Variants in GSN observed in about 807,000 individuals in gnomAD.
GSN encodes the protein actin-depolymerizing factor.
GSN carries 56 observed loss-of-function variants against 85.7 expected under a neutral mutation model. That is an observed-to-expected ratio of 0.65 (90% CI 0.53 to 0.82). The LOEUF (loss-of-function observed/expected upper bound fraction) is 0.82. Among genes scored for constraint, GSN ranks in the 40% least tolerant of loss-of-function variants. The pLI, the probability that GSN is intolerant of heterozygous loss-of-function variation, is 0.00. For missense variants in GSN, 857 were observed against 979.8 expected (o/e 0.87, Z 1.67); for synonymous variants, 373 against 399.1 (o/e 0.93, Z 0.78).
intron 1 of GSN, among the ~76,000 whole-genome samples, chr9:121,278,716 G>A (rs1269124440): frequency 6.6e-6 from 1 of 152,236 alleles, no homozygotes; most frequent in African/African-American, 2.4e-5. Flanking sequence ...TGTGTGGGTG[G>A]TGGACTAGAA....
chr9:121,249,980 G>C (rs2054783129), intron 6 of GSN, among the ~76,000 whole-genome samples: 1 of 152,176 alleles, frequency 6.6e-6, no homozygotes, highest in Admixed American at 6.5e-5. Flanking sequence ...AAACAGATGA[G>C]AGAAGAAAGA....
intron 4 of GSN, chr9:121,308,441 AG>A (rs1314387060): frequency 6.6e-6 from 1 of 152,216 alleles, no homozygotes; most frequent in Non-Finnish European, 1.5e-5. Flanking sequence ...GCACTTTGGG[AG>A]GCCAAGGCGG....
At chr9:121,312,543 C>A in intron 6 of GSN, 55 bp downstream of exon 6, 1 of 1,399,290 alleles carries the variant, frequency 7.1e-7, no homozygotes, top group African/African-American at 1.5e-5. Flanking sequence ...TCATGACTTT[C>A]TTCTGTTCAG....
intron 11 of GSN, 63 bp from the exon 12 acceptor site, chr9:121,324,491 G>C (rs536791735): frequency 1.1e-5 from 9 of 837,042 alleles, no homozygotes; most frequent in Non-Finnish European, 1.4e-5. Flanking sequence ...CTCAGACTCA[G>C]GGCAAGGGAG....
chr9:121,234,219 G>A (rs546910379), intron 5 of GSN, among the ~76,000 whole-genome samples: 3 of 152,274 alleles, frequency 2.0e-5, no homozygotes, highest in African/African-American at 7.2e-5. Flanking sequence ...TAGCTGCAAG[G>A]GAGACTGGAA....
chr9:121,294,373 C>G (rs1219195125), intron 2 of GSN, among the ~76,000 whole-genome samples: 2 of 152,324 alleles, frequency 1.3e-5, no homozygotes, highest in Non-Finnish European at 2.9e-5. Context: ...AGGGCCATTT[C>G]CTCCCCGAGA....
rs1208656555 is a variant in GSN at position 121,317,081 on chromosome 9, C to T, written c.754-5C>T. The T allele has an allele frequency of 1.2e-6, 2 of 1,614,180 alleles. No homozygotes were observed. Among genetic ancestry groups the T allele is most frequent in the South Asian group, 1.1e-5 (1 of 91,080 alleles). On this transcript the variant is annotated splice_polypyrimidine_tract_variant and splice_region_variant and intron_variant, in intron 7 of 17. Transcript: ENST00000432226. ...GTGCTGGTTCCTTCTGCTTCGTCCC[C>T]TCAGGTCTCCAATGGTGCAGGGACC...
chr9:121,330,112 T>C (rs868157337), intron 16 of GSN, among the ~76,000 whole-genome samples: 6 of 152,220 alleles, frequency 3.9e-5, no homozygotes, highest in Admixed American at 1.3e-4. Flanking sequence ...GATTGATCCA[T>C]TGGCTACTTA....
upstream of GSN, chr9:121,203,292 A>T (rs556800732): frequency 6.6e-6 from 1 of 152,304 alleles, no homozygotes; most frequent in African/African-American, 2.4e-5. Context: ...GGAGGGAGGG[A>T]CCACCCAGGT....
chr9:121,264,909 G>T (rs116327491), upstream of GSN, among the ~76,000 whole-genome samples: 74 of 152,346 alleles, frequency 4.9e-4, no homozygotes, highest in African/African-American at 1.6e-3. Context: ...CCAGCTTGCT[G>T]CTGGTAAAAG....
chr9:121,301,562 G>T (rs1480204034), intron 2 of GSN, among the ~76,000 whole-genome samples: 2 of 148,680 alleles, frequency 1.3e-5, no homozygotes. Context: ...GGAGGCAGAG[G>T]TTACAGTGAG....
intron 4 of GSN, among the ~76,000 whole-genome samples, chr9:121,214,509 G>T (rs748218370): frequency 6.6e-6 from 1 of 152,170 alleles, no homozygotes; most frequent in Non-Finnish European, 1.5e-5. Flanking sequence ...CTGGTTCATG[G>T]TAGTGTACAA....
intron 5 of GSN, among the ~76,000 whole-genome samples, chr9:121,246,023 A>AT (rs1479088353): frequency 6.6e-6 from 1 of 152,250 alleles, no homozygotes; most frequent in Admixed American, 6.5e-5. Flanking sequence ...ATGGTATTGT[A>AT]TTTTTTAAAA....
intron 13 of GSN, chr9:121,326,915 AC>A: frequency 1.4e-6 from 1 of 697,924 alleles, no homozygotes; most frequent in South Asian, 1.5e-5. Context: ...CTCACTACCT[AC>A]CATTCTGTAC....
At chr9:121,323,491 T>G (rs1259104730) in intron 11 of GSN, among the ~76,000 whole-genome samples, 1 of 149,824 alleles carries the variant, frequency 6.7e-6, no homozygotes, top group Non-Finnish European at 1.5e-5. Flanking sequence ...TGCCTCAGCC[T>G]CCTGAGTATC....
At chr9:121,256,023 A>G (rs1267778532) in intron 6 of GSN, among the ~76,000 whole-genome samples, 1 of 152,034 alleles carries the variant, frequency 6.6e-6, no homozygotes, top group Non-Finnish European at 1.5e-5. Context: ...ACTTAGAGAT[A>G]CCTATGAGAG....
At chr9:121,207,428 A>G (rs2053899461), upstream of GSN, among the ~76,000 whole-genome samples, 1 of 152,204 alleles carries the variant, frequency 6.6e-6, no homozygotes, top group Non-Finnish European at 1.5e-5. Context: ...GGGAAATCAC[A>G]TATTTTATAA....
At chr9:121,268,266 G>A (rs765211752) in intron 1 of GSN, 47 bp downstream of exon 1, 90 of 152,450 alleles carry the variant, frequency 5.9e-4, no homozygotes, top group Admixed American at 1.8e-3. Context: ...GGGGTCCCGG[G>A]CTGATTTGAG....
chr9:121,215,676 A>G (rs963853157), intron 4 of GSN, among the ~76,000 whole-genome samples: 2 of 151,926 alleles, frequency 1.3e-5, no homozygotes, highest in African/African-American at 2.4e-5. Context: ...CCTGAGTGAC[A>G]GAGTAAGACT....
Sources: gnomAD v4.1 joint callset for allele counts (sites outside exome capture counted in the v4.1 genomes callset) on GRCh38, gnomAD v4.1.1 for gene constraint, MANE v1.5 for transcripts, NCBI Gene and HGNC (gene_info 2026-07-23, HGNC 2026-07-21) for gene names.